The following ZDHHC11B variants were observed in gnomAD, a reference collection of about 807,000 sequenced individuals.
ZDHHC11B encodes probable palmitoyltransferase ZDHHC11B.
In ZDHHC11B, 17 loss-of-function variants were observed where a neutral mutation model predicts 42.3. That is an observed-to-expected ratio of 0.40 (90% CI 0.27 to 0.60). The LOEUF is 0.60. Among genes scored for constraint, ZDHHC11B ranks in the 20% least tolerant of loss-of-function variants. The pLI, the probability that ZDHHC11B is intolerant of heterozygous loss-of-function variation, is 0.41. For synonymous variants in ZDHHC11B, 123 were observed against 193.5 expected (o/e 0.64, Z 3.02); for missense variants, 262 against 463.2 (o/e 0.57, Z 3.99).
intron 4 of ZDHHC11B, among the ~76,000 whole-genome samples, chr5:762,349 G>A (rs934725588): frequency 2.0e-5 from 3 of 151,852 alleles, no homozygotes; most frequent in African/African-American, 2.4e-5. Flanking sequence ...CAAGAGGGAT[G>A]CAGCAAGATA....
At chr5:772,476 T>C (rs1736141222) in intron 1 of ZDHHC11B, among the ~76,000 whole-genome samples, 1 of 151,914 alleles carries the variant, frequency 6.6e-6, no homozygotes, top group African/African-American at 2.4e-5. Context: ...ACTGTCCCAC[T>C]CAGGCTGAGG....
chr5:759,905 T>G (rs1392440124), intron 4 of ZDHHC11B, among the ~76,000 whole-genome samples: 2 of 151,886 alleles, frequency 1.3e-5, no homozygotes, highest in African/African-American at 4.8e-5. Flanking sequence ...CAAAGCCACA[T>G]GCTGCTGGCC....
At chr5:771,420 C>CA (rs1290549328) in intron 1 of ZDHHC11B, among the ~76,000 whole-genome samples, 1 of 151,130 alleles carries the variant, frequency 6.6e-6, no homozygotes, top group Admixed American at 6.6e-5. Flanking sequence ...GATGCAGGGG[C>CA]AGGATCCTGG....
chr5:720,753 A>ATT (rs1742122003), intron 12 of ZDHHC11B, among the ~76,000 whole-genome samples: 1 of 151,660 alleles, frequency 6.6e-6, no homozygotes, highest in South Asian at 2.1e-4. Context: ...AATGTAATCA[A>ATT]TGACAATGGC....
chr5:766,251 A>G (rs1361262893), intron 4 of ZDHHC11B, among the ~76,000 whole-genome samples: 39 of 151,708 alleles, frequency 2.6e-4, no homozygotes, highest in Non-Finnish European at 5.0e-4. Context: ...ACTGGGAGAC[A>G]GGAGCAGACA....
At chr5:717,991 T>A (rs1009727592) in intron 12 of ZDHHC11B, among the ~76,000 whole-genome samples, 6 of 151,166 alleles carry the variant, frequency 4.0e-5, no homozygotes, top group East Asian at 1.9e-4. Context: ...CAAGGAAAAA[T>A]TACACAGAAG....
At chr5:777,054 G>A (rs1334449823) in intron 1 of ZDHHC11B, among the ~76,000 whole-genome samples, 1 of 151,894 alleles carries the variant, frequency 6.6e-6, no homozygotes, top group Non-Finnish European at 1.5e-5. Flanking sequence ...TGGGTTATTG[G>A]TCTCGCTGAC....
rs367969312 is a variant in ZDHHC11B, at chr5:742,734, T to C, written c.901-1106A>G. Among the ~76,000 whole-genome samples, 8 of 149,904 alleles carry C rather than the reference T, an allele frequency of 5.3e-5. 2 individuals are homozygous for C. The East Asian group carries it at 1.0e-3, about 19-fold the overall frequency. On this transcript the variant is annotated intron_variant, in intron 9 of 13. Coordinates refer to ENST00000508859, the MANE Select transcript of ZDHHC11B (RefSeq NM_001351303.2). ...ACTTGCTTTACTGACATGTTCACTT[T>C]ATTGTGGCTTTCTAAAACCAAACCT...
intron 12 of ZDHHC11B, among the ~76,000 whole-genome samples, chr5:718,161 G>T (rs1446550739): frequency 6.6e-6 from 1 of 151,846 alleles, no homozygotes; most frequent in African/African-American, 2.4e-5. Flanking sequence ...AGACATACAG[G>T]TTGGTGGGGA....
intron 7 of ZDHHC11B, among the ~76,000 whole-genome samples, chr5:750,702 C>A (rs1373336045): frequency 7.9e-6 from 1 of 125,866 alleles, no homozygotes; most frequent in African/African-American, 2.6e-5. Flanking sequence ...CCTCAGCACA[C>A]CGCAGCCTAC....
rs534186779 is a variant in ZDHHC11B, at chr5:717,047, G to A, written c.1059-182C>T. On this transcript the variant is annotated intron_variant, in intron 12 of 13. Coordinates refer to ENST00000508859, the MANE Select transcript of ZDHHC11B (RefSeq NM_001351303.2). The stretch of plus-strand genomic sequence containing the variant: ...TTTTTGTGAAGACAGTAACATGACT[G>A]CACTGCTGAAAGAATGTTGCTTTTT... Among the ~76,000 whole-genome samples the A allele has an allele frequency of 4.6e-5, 7 of 151,896 alleles. No homozygotes were observed. In the South Asian group the frequency reaches 1.5e-3, roughly 32 times the overall value.
chr5:769,927 T>A (rs1735852144), intron 1 of ZDHHC11B, among the ~76,000 whole-genome samples: 1 of 151,818 alleles, frequency 6.6e-6, no homozygotes, highest in South Asian at 2.1e-4. Context: ...GTCCCGCTGC[T>A]CCCAAGGAGC....
chr5:751,424 T>G (rs1579350313), intron 6 of ZDHHC11B, among the ~76,000 whole-genome samples, 167 bp from the exon 7 acceptor site: 1 of 32,448 alleles, frequency 3.1e-5, no homozygotes, highest in African/African-American at 9.8e-5. Flanking sequence ...GGGACAGGTG[T>G]GGGGGCGGGG....
chr5:759,836 G>A (rs1734357958), intron 4 of ZDHHC11B, among the ~76,000 whole-genome samples: 1 of 151,886 alleles, frequency 6.6e-6, no homozygotes, highest in Non-Finnish European at 1.5e-5. Context: ...TCACTTCCCA[G>A]AGCCGCCCGG....
chr5:773,596 A>C lies in ZDHHC11B; in HGVS notation c.-229-4666T>G, dbSNP rs151321046. On this transcript the variant is annotated intron_variant, in intron 1 of 13. Coordinates refer to ENST00000508859, the MANE Select transcript of ZDHHC11B (RefSeq NM_001351303.2). ...ACTCCCAGGCCTGTGGCTTGCATCC[A>C]GGTGTGCACCTGCACCCTCTCCCAC... Among the ~76,000 whole-genome samples, 1,293 of 151,678 alleles carry C rather than the reference A, an allele frequency of 8.5e-3. 40 individuals carry two copies. Among genetic ancestry groups the C allele is most frequent in the African/African-American group, 0.029 (1,202 of 41,212 alleles).
At chr5:756,927 C>G (rs1343049478) in intron 4 of ZDHHC11B, among the ~76,000 whole-genome samples, 1 of 151,732 alleles carries the variant, frequency 6.6e-6, no homozygotes, top group Non-Finnish European at 1.5e-5. Flanking sequence ...CCCAGACTCA[C>G]TCAGGGACCC....
chr5:761,065 C>T (rs543474364), intron 4 of ZDHHC11B, among the ~76,000 whole-genome samples: 309 of 151,726 alleles, frequency 2.0e-3, no homozygotes, highest in African/African-American at 6.9e-3. Flanking sequence ...GAGACTCCGT[C>T]GCAACATGCC....
intron 12 of ZDHHC11B, among the ~76,000 whole-genome samples, chr5:719,277 T>G (rs1216436960): frequency 6.6e-6 from 1 of 151,458 alleles, no homozygotes; most frequent in Non-Finnish European, 1.5e-5. Flanking sequence ...TATAAAGAAA[T>G]AGAATAATAT....
chr5:731,376 C>T (rs1743008350), intron 11 of ZDHHC11B, among the ~76,000 whole-genome samples: 2 of 149,456 alleles, frequency 1.3e-5, no homozygotes, highest in Non-Finnish European at 3.0e-5. Flanking sequence ...AAGCTTTGTG[C>T]CTGGATGGTA....
Sources: allele counts gnomAD v4.1 joint callset (sites outside exome capture counted in the v4.1 genomes callset), GRCh38; gene constraint gnomAD v4.1.1; transcripts MANE v1.5; gene names NCBI Gene and HGNC (gene_info 2026-07-23, HGNC 2026-07-21).